The following OPCML variants were observed in gnomAD, a reference collection of about 807,000 sequenced individuals.
The protein encoded by OPCML is opioid-binding protein/cell adhesion molecule.
OPCML carries 13 observed loss-of-function variants against 37.8 expected under a neutral mutation model. That is an observed-to-expected ratio of 0.34 (90% CI 0.22 to 0.55). The LOEUF is 0.55. Among genes scored for constraint, OPCML ranks in the 20% least tolerant of loss-of-function variants. The pLI is 0.91. For missense variants in OPCML, 341 were observed against 435.6 expected, an observed-to-expected ratio of 0.78 and a Z score of 1.93; for synonymous variants, 176 against 168.8, an observed-to-expected ratio of 1.04 and a Z score of -0.33.
rs745414921 is a variant in OPCML at position 132,640,296 on chromosome 11, AGC to A, written c.379+16789_379+16790del. Among the ~76,000 whole-genome samples the A allele has an allele frequency of 3.1e-3, 462 of 151,384 alleles. 8 individuals are homozygous for A. In the South Asian group the frequency reaches 0.033, roughly 11 times the overall value. Reference sequence around the variant, plus strand: ...TCAGTGCGTGGCTTGGTAGGATGGAAGCAAAAATTAGGAACCCCGGGATAAGC... The same window carrying A: ...TCAGTGCGTGGCTTGGTAGGATGGAAAAAAATTAGGAACCCCGGGATAAGC... On this transcript the variant is annotated intron_variant, in intron 3 of 7. Coordinates refer to ENST00000524381, the MANE Select transcript of OPCML (RefSeq NM_001012393.5).
chr11:132,917,025 C>A (rs1944630178), intron 2 of OPCML, among the ~76,000 whole-genome samples: 1 of 152,148 alleles, frequency 6.6e-6, no homozygotes, highest in Non-Finnish European at 1.5e-5. Context: ...ATGAGTCCCC[C>A]AGAGCCTAGA....
chr11:132,919,050 T>C (rs1331432864), intron 2 of OPCML, among the ~76,000 whole-genome samples: 4 of 152,180 alleles, frequency 2.6e-5, no homozygotes, highest in Non-Finnish European at 4.4e-5. Context: ...CACTGGCAAC[T>C]GAGAAGACCA....
chr11:132,606,588 A>G (rs1329553404), intron 3 of OPCML, among the ~76,000 whole-genome samples: 1 of 152,098 alleles, frequency 6.6e-6, no homozygotes, highest in African/African-American at 2.4e-5. Context: ...TTCTGTCTCT[A>G]CACCAAGTAA....
At chr11:132,914,267 C>T (rs1264546891) in intron 2 of OPCML, among the ~76,000 whole-genome samples, 2 of 152,200 alleles carry the variant, frequency 1.3e-5, no homozygotes, top group Non-Finnish European at 2.9e-5. Context: ...GATATCTCCA[C>T]AATGCTTAGT....
chr11:132,999,560 A>C (rs2136840998), intron 1 of OPCML, among the ~76,000 whole-genome samples: 1 of 138,022 alleles, frequency 7.2e-6, no homozygotes, highest in Non-Finnish European at 1.5e-5. Flanking sequence ...TCCAAGTGAC[A>C]AATGGGGTCG....
intron 1 of OPCML, among the ~76,000 whole-genome samples, chr11:133,396,078 T>C (rs1945279917): frequency 6.6e-6 from 1 of 152,170 alleles, no homozygotes; most frequent in African/African-American, 2.4e-5. Flanking sequence ...TTTTATACTT[T>C]TCATAGTAGA....
chr11:133,314,494 A>G (rs188192636), intron 1 of OPCML, among the ~76,000 whole-genome samples: 4 of 151,394 alleles, frequency 2.6e-5, no homozygotes, highest in African/African-American at 9.7e-5. Flanking sequence ...GCTTCTGCAC[A>G]CTATTCATCT....
At chr11:133,330,246 A>G (rs1420073209) in intron 1 of OPCML, among the ~76,000 whole-genome samples, 2 of 152,300 alleles carry the variant, frequency 1.3e-5, no homozygotes, top group African/African-American at 2.4e-5. Flanking sequence ...TGGGACTGTA[A>G]ACTAGTTCAA....
chr11:132,992,212 A>G (rs900800227), intron 1 of OPCML, among the ~76,000 whole-genome samples: 3 of 152,100 alleles, frequency 2.0e-5, no homozygotes, highest in Non-Finnish European at 4.4e-5. Context: ...TCCAAACCTG[A>G]TATTTCAGGT....
chr11:133,276,426 A>G (rs550177761), intron 1 of OPCML, among the ~76,000 whole-genome samples: 164 of 152,238 alleles, frequency 1.1e-3, no homozygotes, highest in Non-Finnish European at 1.7e-3. Context: ...TCTCAGCAGG[A>G]AGGATAGAGG....
At chr11:133,039,365 T>C (rs1947842204) in intron 1 of OPCML, among the ~76,000 whole-genome samples, 1 of 152,144 alleles carries the variant, frequency 6.6e-6, no homozygotes, top group South Asian at 2.1e-4. Flanking sequence ...AGTTTTTACA[T>C]TTATTGCATT....
intron 7 of OPCML, among the ~76,000 whole-genome samples, chr11:132,424,411 G>C (rs2095971019): frequency 6.6e-6 from 1 of 152,176 alleles, no homozygotes; most frequent in South Asian, 2.1e-4. Context: ...AAGCCACCAT[G>C]CCCGGCTGAG....
intron 4 of OPCML, among the ~76,000 whole-genome samples, chr11:132,455,159 T>C (rs950751221): frequency 3.3e-5 from 5 of 152,228 alleles, no homozygotes; most frequent in Non-Finnish European, 5.9e-5. Context: ...AGTTTGCGCA[T>C]CTCATTTCTG....
At chr11:133,157,243 A>T (rs1324305921) in intron 1 of OPCML, among the ~76,000 whole-genome samples, 2 of 152,182 alleles carry the variant, frequency 1.3e-5, no homozygotes, top group Admixed American at 6.5e-5. Flanking sequence ...ATGAAAAACC[A>T]TCACAAGACC....
At chr11:132,929,149 A>G (rs939072167) in intron 2 of OPCML, among the ~76,000 whole-genome samples, 3 of 151,922 alleles carry the variant, frequency 2.0e-5, no homozygotes. Context: ...ATAGAAAAAA[A>G]TCAACAAAAT....
At chr11:133,259,437 C>T (rs1196063743) in intron 1 of OPCML, among the ~76,000 whole-genome samples, 1 of 152,172 alleles carries the variant, frequency 6.6e-6, no homozygotes, top group African/African-American at 2.4e-5. Context: ...AGTGAGGTTA[C>T]AAAGTGAATG....
intron 1 of OPCML, chr11:133,420,143 T>C: frequency 2.3e-6 from 1 of 441,624 alleles, no homozygotes; most frequent in Non-Finnish European, 3.0e-6. Context: ...CAGTAAATGT[T>C]ATAGTAATTA....
At chr11:133,452,552 C>CT (rs1223396564) in intron 1 of OPCML, among the ~76,000 whole-genome samples, 1 of 151,512 alleles carries the variant, frequency 6.6e-6, no homozygotes, top group Non-Finnish European at 1.5e-5. Context: ...GTGGCTCACA[C>CT]TTGTAGTTCC....
intron 1 of OPCML, among the ~76,000 whole-genome samples, chr11:133,155,879 C>T (rs953153686): frequency 2.0e-5 from 3 of 152,118 alleles, no homozygotes; most frequent in African/African-American, 4.8e-5. Flanking sequence ...TTCCTCTCAC[C>T]ACCCATATCC....
Sources: allele counts gnomAD v4.1 joint callset (sites outside exome capture counted in the v4.1 genomes callset), GRCh38; gene constraint gnomAD v4.1.1; transcripts MANE v1.5; gene names NCBI Gene and HGNC (gene_info 2026-07-23, HGNC 2026-07-21).